NFAT5: variants seen among roughly 807,000 people sequenced by gnomAD.
NFAT5 encodes nuclear factor of activated T cells 5, also known as nuclear factor of activated T-cells 5.
A neutral mutation model predicts 166.5 loss-of-function variants in NFAT5; 31 were observed. The observed-to-expected ratio is 0.19, with a 90% CI of 0.14 to 0.25. NFAT5 has a LOEUF of 0.25. Ranked by LOEUF, NFAT5 falls within the 10% of genes least tolerant of loss-of-function variation. The pLI, the probability that NFAT5 is intolerant of heterozygous loss-of-function variation, is 1.00. For synonymous variants in NFAT5, 612 were observed against 639.7 expected (o/e 0.96, Z 0.65); for missense variants, 1,449 against 1,821.8 (o/e 0.80, Z 3.72).
chr16:69,566,487 C>G lies in NFAT5; in HGVS notation c.73+113C>G, dbSNP rs1452589932. ...CCGCCGGGGGCGGCTGAGCCGCGAC[C>G]CCCATGGCTTCTTTGGCCGGAGCGG... On this transcript the variant is annotated intron_variant, in intron 1 of 14. Transcript: ENST00000349945. This position sits in a 1 kb window ranked among gnomAD's most constrained non-coding sequence, Gnocchi z 5.7. 1.1e-6 allele frequency: 1 copy of G among 899,110 alleles called. No individual in the cohort carries two copies. Among genetic ancestry groups the G allele is most frequent in the African/African-American group, 1.7e-5 (1 of 59,900 alleles). 55.7% of individuals were successfully genotyped at this position (899,110 alleles called of 1,614,324 possible). A position where few individuals can be genotyped will look rare whatever the true frequency, so the allele number is the denominator to read the frequency against.
rs536422224 is a variant in NFAT5 at position 69,689,495 on chromosome 16, G to A, written c.1775-1445G>A. On this transcript the variant is annotated intron_variant, in intron 11 of 14. Transcript: ENST00000349945. ...TAGGTTTTTAGCCAAATGGCTGTGA[G>A]GCAAGTTGAAGTAAGACAAGAAAAT... Among the ~76,000 whole-genome samples the A allele has an allele frequency of 1.4e-4, 21 of 152,272 alleles. No individual in the cohort carries two copies. The South Asian group carries it at 3.9e-3, about 29-fold the overall frequency.
At chr16:69,614,695 A>G (rs189363236) in intron 2 of NFAT5, among the ~76,000 whole-genome samples, 1,646 of 152,194 alleles carry the variant, frequency 0.011, 17 homozygotes, top group Non-Finnish European at 0.017. Context: ...ATTAACATCA[A>G]TACATTTTTT....
chr16:69,659,700 C>T, intron 6 of NFAT5, 27 bp from the exon 7 acceptor site: 7 of 1,498,914 alleles, frequency 4.7e-6, no homozygotes, highest in Admixed American at 4.2e-5. Context: ...ACAAAATGTC[C>T]CTTTATATAT....
At chr16:69,596,385 T>C (rs1233885789) in intron 2 of NFAT5, among the ~76,000 whole-genome samples, 1 of 152,164 alleles carries the variant, frequency 6.6e-6, no homozygotes, top group Non-Finnish European at 1.5e-5. Flanking sequence ...AGAGACTTGC[T>C]CAATTTGACA....
At chr16:69,686,734 C>T (rs1448526410) in intron 11 of NFAT5, among the ~76,000 whole-genome samples, 5 of 151,450 alleles carry the variant, frequency 3.3e-5, no homozygotes, top group South Asian at 4.2e-4. Flanking sequence ...CATGGTGGTG[C>T]GTGCCTGTAA....
chr16:69,638,804 A>G (rs1464796375), intron 3 of NFAT5, among the ~76,000 whole-genome samples: 1 of 151,608 alleles, frequency 6.6e-6, no homozygotes, highest in African/African-American at 2.4e-5. Flanking sequence ...TTTTTAATCT[A>G]AAATATTTAA....
At chr16:69,593,606 T>C (rs1015326725) in intron 2 of NFAT5, among the ~76,000 whole-genome samples, 5 of 152,068 alleles carry the variant, frequency 3.3e-5, no homozygotes, top group African/African-American at 1.2e-4. Flanking sequence ...GGAGCCACCA[T>C]GCCCGGCCTA....
At chr16:69,626,262 C>G in intron 2 of NFAT5, 141 bp from the exon 3 acceptor site, 1 of 702,848 alleles carries the variant, frequency 1.4e-6, no homozygotes, top group Non-Finnish European at 2.1e-6. Context: ...GCTAATAGCT[C>G]TTTACATTAA....
At chr16:69,632,070 A>C (rs1597437441) in intron 3 of NFAT5, 1 of 152,210 alleles carries the variant, frequency 6.6e-6, no homozygotes, top group South Asian at 2.1e-4. Context: ...AGAGGGCACT[A>C]GAGATGCAAA....
intron 2 of NFAT5, among the ~76,000 whole-genome samples, chr16:69,592,288 C>G (rs937282115): frequency 1.1e-4 from 16 of 152,024 alleles, no homozygotes; most frequent in African/African-American, 3.1e-4. Context: ...CCATGTTGGC[C>G]AGGCTGGTCT....
intron 2 of NFAT5, among the ~76,000 whole-genome samples, chr16:69,587,944 CTTTTTTTT>C (rs61460423): frequency 2.9e-5 from 2 of 68,250 alleles, no homozygotes; most frequent in Non-Finnish European, 5.8e-5. Context: ...ATAGTGCTTT[CTTTTTTTT>C]TTTTTTTTTT....
chr16:69,582,052 G>A (rs1169566927), intron 2 of NFAT5, among the ~76,000 whole-genome samples: 1 of 152,132 alleles, frequency 6.6e-6, no homozygotes, highest in Non-Finnish European at 1.5e-5. Flanking sequence ...ATCATTTGAG[G>A]TCAGGAGTTC....
At chr16:69,666,416 A>G (rs1328824616) in intron 7 of NFAT5, among the ~76,000 whole-genome samples, 4 of 151,270 alleles carry the variant, frequency 2.6e-5, no homozygotes, top group African/African-American at 7.2e-5. Context: ...TTCGCAACCT[A>G]CTCATCTGAC....
At position 69,566,138 on chromosome 16, in the gene NFAT5, G is replaced by C. The variant is rs1048089965; in HGVS notation, c.-164G>C. ...CCCTCCACCTCGCCATCGTTTCCTCGGTCCTCGGCCCAGTGGAAGTCACTA... is the reference window on the plus strand; with the variant it reads ...CCCTCCACCTCGCCATCGTTTCCTCCGTCCTCGGCCCAGTGGAAGTCACTA... On this transcript the variant is annotated 5_prime_UTR_variant, in exon 1 of 15. Coordinates refer to ENST00000349945, the MANE Select transcript of NFAT5 (RefSeq NM_138713.4). The surrounding 1 kb of genome is among the most constrained non-coding windows in gnomAD (Gnocchi z 5.7). 3 of 579,924 alleles carry C rather than the reference G, an allele frequency of 5.2e-6. No individual in the cohort carries two copies. Among genetic ancestry groups the C allele is most frequent in the African/African-American group, 4.0e-5 (2 of 49,712 alleles). The allele number at this position is 579,924 out of a possible 1,614,324, so 35.9% of individuals were successfully genotyped here.
chr16:69,664,545 A>G (rs1487125896), intron 7 of NFAT5, among the ~76,000 whole-genome samples: 1 of 152,102 alleles, frequency 6.6e-6, no homozygotes, highest in Non-Finnish European at 1.5e-5. Context: ...TCGGCCTCTC[A>G]GGGTGCTGGG....
intron 2 of NFAT5, among the ~76,000 whole-genome samples, chr16:69,588,745 G>A (rs1281916927): frequency 2.0e-5 from 3 of 152,138 alleles, no homozygotes; most frequent in Non-Finnish European, 4.4e-5. Context: ...AACAGAAAAA[G>A]TGAACTATGA....
intron 7 of NFAT5, among the ~76,000 whole-genome samples, chr16:69,667,468 AT>A (rs1276067476): frequency 6.6e-6 from 1 of 151,112 alleles, no homozygotes; most frequent in African/African-American, 2.4e-5. Flanking sequence ...TAACTTGTGA[AT>A]AAAGCAGGTC....
chr16:69,700,473 A>T lies in NFAT5; in HGVS notation c.*4122A>T, dbSNP rs753874283. On this transcript the variant is annotated 3_prime_UTR_variant, in exon 15 of 15. Transcript: ENST00000349945. ...TGTTTTAGGAAAGTGAATCTGTTAGATGCATCAACAAATAATGACCAGGAC... is the reference window on the plus strand; with the variant it reads ...TGTTTTAGGAAAGTGAATCTGTTAGTTGCATCAACAAATAATGACCAGGAC... 2.6e-5 allele frequency: 4 copies of T among 152,240 alleles called. No homozygotes were observed. The highest frequency in any genetic ancestry group is 2.0e-4 in the Admixed American group (3 of 15,276). The allele number at this position is 152,240 out of a possible 1,614,324, so 9.4% of individuals were successfully genotyped here.
chr16:69,592,695 C>T (rs2032544172), intron 2 of NFAT5, among the ~76,000 whole-genome samples: 1 of 152,094 alleles, frequency 6.6e-6, no homozygotes, highest in South Asian at 2.1e-4. Flanking sequence ...TCAATTCATG[C>T]TTCTGAAAAA....
Sources: allele counts gnomAD v4.1 joint callset (sites outside exome capture counted in the v4.1 genomes callset), GRCh38; gene constraint gnomAD v4.1.1; non-coding constraint Gnocchi (gnomAD v3.1); transcripts MANE v1.5; gene names NCBI Gene and HGNC (gene_info 2026-07-23, HGNC 2026-07-21).